The following CCDC38 variants were observed in gnomAD, a reference collection of about 807,000 sequenced individuals.
CCDC38 encodes the protein coiled-coil domain containing 38, also known as coiled-coil domain-containing protein 38.
In CCDC38, 69 loss-of-function variants were observed where a neutral mutation model predicts 72.8. The ratio of observed to expected loss-of-function variants is 0.95; its 90% confidence interval spans 0.78 to 1.16. The LOEUF (loss-of-function observed/expected upper bound fraction) is 1.16. CCDC38 is among the 50% of genes most tolerant of loss of function. The pLI is 0.00. For missense variants in CCDC38, 626 were observed against 638.9 expected (o/e 0.98, Z 0.22); for synonymous variants, 201 against 213.2 (o/e 0.94, Z 0.50).
At chr12:95,893,982 C>T (rs778025651) in intron 8 of CCDC38, among the ~76,000 whole-genome samples, 2 of 151,952 alleles carry the variant, frequency 1.3e-5, no homozygotes, top group South Asian at 2.1e-4. Flanking sequence ...TAAAACATGA[C>T]GGCCGAGGCG....
intron 13 of CCDC38, among the ~76,000 whole-genome samples, chr12:95,874,535 AG>A (rs951783010): frequency 2.8e-4 from 43 of 152,250 alleles, no homozygotes; most frequent in African/African-American, 9.9e-4. Flanking sequence ...CATATGAAAA[AG>A]GGATTGAGAG....
In CCDC38 at chr12:95,872,235, C is replaced by A; in HGVS notation, c.1484+20G>T. On this transcript the variant is annotated intron_variant, in intron 14 of 15. Transcript: ENST00000344280. ...AAAACCAGCTACTCATTAAGTCATT[C>A]TTATCCTTATTGACTGTACTTTTGC... 1 of 1,609,024 alleles carries A rather than the reference C, an allele frequency of 6.2e-7. No individual in the cohort carries two copies. Among genetic ancestry groups the A allele is most frequent in the East Asian group, 2.2e-5 (1 of 44,862 alleles).
rs753797072 is a variant in CCDC38, at chr12:95,872,392, C to T, written c.1347G>A (p.Glu449=). 1.9e-6 allele frequency: 3 copies of T among 1,614,142 alleles called. No individual in the cohort carries two copies. Among genetic ancestry groups the T allele is most frequent in the Non-Finnish European group, 2.5e-6 (3 of 1,180,010 alleles). The change falls in exon 14 of 16, where the codon GAG becomes GAA. Residue 449 remains glutamate (E), a synonymous_variant. Coordinates refer to ENST00000344280, the MANE Select transcript of CCDC38 (RefSeq NM_182496.3). ...TTTGAATTGGGTTGAGGCCGTCATC[C>T]TCAGCATCTCCAATGCAGACTTTGT... ...QVYKVCIGDA[E]DDGLNPIQKL... is the part of the protein sequence containing the mutation.
chr12:95,870,485 A>ATTAGGTGCCGTG (rs762130594), intron 14 of CCDC38, among the ~76,000 whole-genome samples: 1 of 152,222 alleles, frequency 6.6e-6, no homozygotes, highest in Non-Finnish European at 1.5e-5. Context: ...TTATTGCAAA[A>ATTAGGTGCCGTG]TTAGGTGCCG....
At chr12:95,878,053 A>G (rs1041356284) in intron 13 of CCDC38, among the ~76,000 whole-genome samples, 158 bp downstream of exon 13, 8 of 152,254 alleles carry the variant, frequency 5.3e-5, no homozygotes, top group Non-Finnish European at 1.0e-4. Context: ...TGGCTATTAC[A>G]TAATGGCAAG....
intron 4 of CCDC38, among the ~76,000 whole-genome samples, chr12:95,913,273 T>C (rs1412561962): frequency 6.6e-6 from 1 of 152,168 alleles, no homozygotes; most frequent in African/African-American, 2.4e-5. Flanking sequence ...ATATTGCCTG[T>C]GGCAGATTAT....
Position 95,917,227 on chromosome 12 carries a change from T to C in CCDC38, c.206A>G (p.His69Arg), listed in dbSNP as rs141575774. The C allele has an allele frequency of 1.2e-5, 20 of 1,609,258 alleles. No homozygotes were observed. In the African/African-American group the frequency reaches 1.6e-4, roughly 13 times the overall value. ...KTTFSSRMKSHSYLSQLAFYP... is the reference protein window; with the variant it reads ...KTTFSSRMKSRSYLSQLAFYP... ...GAAAGCTAGTTGGCTCAGGTATGAA[T>C]GACTCTTCATTCTGGATGAAAAAGT... Residue 69 changes from histidine (H) to arginine (R), a missense_variant, in exon 4 of 16, where the codon CAT becomes CGT. Coordinates refer to ENST00000344280, the MANE Select transcript of CCDC38 (RefSeq NM_182496.3).
intron 5 of CCDC38, 56 bp downstream of exon 5, chr12:95,906,331 A>C: frequency 3.3e-6 from 4 of 1,214,748 alleles, no homozygotes; most frequent in Non-Finnish European, 4.8e-6. Flanking sequence ...AAATATTTGA[A>C]AACACTATGA....
intron 3 of CCDC38, 51 bp downstream of exon 3, chr12:95,918,825 G>A: frequency 8.0e-7 from 1 of 1,244,880 alleles, no homozygotes; most frequent in Admixed American, 1.7e-5. Flanking sequence ...CAATAGGTAA[G>A]TGGATATGAT....
rs377292063 is a variant in CCDC38, at chr12:95,872,239, T to C, written c.1484+16A>G. On this transcript the variant is annotated intron_variant, in intron 14 of 15. Transcript: ENST00000344280. The stretch of plus-strand genomic sequence containing the variant: ...CCAGCTACTCATTAAGTCATTCTTA[T>C]CCTTATTGACTGTACTTTTGCCGCC... 2.4e-4 allele frequency: 389 copies of C among 1,610,552 alleles called. No homozygotes were observed. The highest frequency in any genetic ancestry group is 3.1e-4 in the Non-Finnish European group (367 of 1,176,786).
At chr12:95,883,243 G>T (rs1487466861) in intron 10 of CCDC38, among the ~76,000 whole-genome samples, 2 of 152,102 alleles carry the variant, frequency 1.3e-5, no homozygotes, top group African/African-American at 4.8e-5. Context: ...CTAAAATACT[G>T]CCACATCCAT....
intron 9 of CCDC38, chr12:95,889,118 A>C (rs1191531453): frequency 7.0e-6 from 1 of 142,294 alleles, no homozygotes; most frequent in Non-Finnish European, 1.4e-5. Flanking sequence ...GGCTCATTGC[A>C]ACCTCTGTCT....
intron 4 of CCDC38, among the ~76,000 whole-genome samples, chr12:95,910,075 CA>C (rs1248011305): frequency 4.6e-5 from 7 of 152,086 alleles, no homozygotes; most frequent in Admixed American, 3.9e-4. Context: ...GAGAAAGAAA[CA>C]AAAGCATCCA....
chr12:95,918,816 A>C (rs1225557808), intron 3 of CCDC38, 60 bp downstream of exon 3: 1 of 1,150,916 alleles, frequency 8.7e-7, no homozygotes, highest in African/African-American at 1.5e-5. Flanking sequence ...TCATAAGAGC[A>C]ATAGGTAAGT....
intron 4 of CCDC38, among the ~76,000 whole-genome samples, chr12:95,915,644 GA>G (rs2080136702): frequency 6.6e-6 from 1 of 152,176 alleles, no homozygotes; most frequent in Admixed American, 6.5e-5. Flanking sequence ...CAAGTTTGAG[GA>G]GTAAGGTTTT....
At chr12:95,943,155 G>C (rs150317088), upstream of CCDC38, 131 of 486,920 alleles carry the variant, frequency 2.7e-4, no homozygotes, top group African/African-American at 2.5e-3. Context: ...ACTCGGGATG[G>C]GACAAGACGA....
At chr12:95,939,695 G>A (rs2080429319) in intron 1 of CCDC38, among the ~76,000 whole-genome samples, 1 of 152,188 alleles carries the variant, frequency 6.6e-6, no homozygotes, top group Non-Finnish European at 1.5e-5. Context: ...TGTGAAATTT[G>A]AGATATATAT....
chr12:95,874,378 T>G (rs891659876), intron 13 of CCDC38, among the ~76,000 whole-genome samples: 1 of 152,206 alleles, frequency 6.6e-6, no homozygotes, highest in African/African-American at 2.4e-5. Context: ...CTTTTTACGA[T>G]GTCTTTTCTA....
At chr12:95,929,468 C>A (rs964322362) in intron 2 of CCDC38, among the ~76,000 whole-genome samples, 1 of 152,170 alleles carries the variant, frequency 6.6e-6, no homozygotes, top group Non-Finnish European at 1.5e-5. Context: ...GAACCCGGTA[C>A]CTCAGATGGA....
Sources: gnomAD v4.1 joint callset for allele counts (sites outside exome capture counted in the v4.1 genomes callset) on GRCh38, gnomAD v4.1.1 for gene constraint, MANE v1.5 for transcripts, NCBI Gene and HGNC (gene_info 2026-07-23, HGNC 2026-07-21) for gene names.